ATL1: variants seen among roughly 807,000 people sequenced by gnomAD.
The protein encoded by ATL1 is atlastin-1.
A neutral mutation model predicts 75.5 loss-of-function variants in ATL1; 31 were observed. The ratio of observed to expected loss-of-function variants is 0.41; its 90% CI spans 0.31 to 0.55. ATL1 has a LOEUF of 0.55. ATL1 is among the 20% of genes least tolerant of loss of function. ATL1 has a pLI of 0.27. For missense variants in ATL1, 405 were observed against 662.6 expected, an observed-to-expected ratio of 0.61 and a Z score of 4.27; for synonymous variants, 226 against 233.3, an observed-to-expected ratio of 0.97 and a Z score of 0.28.
At chr14:50,623,378 G>A in intron 11 of ATL1, 130 bp downstream of exon 11, 1 of 676,492 alleles carries the variant, frequency 1.5e-6, no homozygotes, top group Non-Finnish European at 2.6e-6. Flanking sequence ...TCCTCAGCCT[G>A]TATCACGTCT....
intron 5 of ATL1, among the ~76,000 whole-genome samples, chr14:50,595,020 GAAAAAA>G (rs1304077072): frequency 7.3e-6 from 1 of 137,268 alleles, no homozygotes; most frequent in African/African-American, 2.7e-5. Flanking sequence ...AAACAAAAAA[GAAAAAA>G]AAAAGAAAAA....
chr14:50,606,267 C>T (rs1001826645), intron 6 of ATL1, among the ~76,000 whole-genome samples: 3 of 151,742 alleles, frequency 2.0e-5, no homozygotes, highest in African/African-American at 7.3e-5. Flanking sequence ...TCTTACATGT[C>T]CAAAGTTCAC....
At chr14:50,563,963 T>A (rs1404072125) in intron 1 of ATL1, among the ~76,000 whole-genome samples, 1 of 152,160 alleles carries the variant, frequency 6.6e-6, no homozygotes, top group Non-Finnish European at 1.5e-5. Context: ...AGGTTATAGA[T>A]CTAGTATTCA....
At chr14:50,543,901 T>C (rs2038596210) in intron 1 of ATL1, among the ~76,000 whole-genome samples, 1 of 152,228 alleles carries the variant, frequency 6.6e-6, no homozygotes, top group African/African-American at 2.4e-5. Context: ...TTTCCCCAGA[T>C]GACATGGTCA....
chr14:50,593,348 C>T (rs1288436096), intron 4 of ATL1, among the ~76,000 whole-genome samples: 1 of 151,984 alleles, frequency 6.6e-6, no homozygotes, highest in Non-Finnish European at 1.5e-5. Flanking sequence ...TTATTTCCCT[C>T]AAAAAATGTC....
chr14:50,572,893 G>T (rs2038966866), intron 1 of ATL1, among the ~76,000 whole-genome samples: 1 of 152,136 alleles, frequency 6.6e-6, no homozygotes, highest in African/African-American at 2.4e-5. Flanking sequence ...AGGTTTAATT[G>T]ACTCACAGTT....
rs369657914 is a variant in ATL1, at chr14:50,622,248, G to A, written c.1047+349G>A. Among the ~76,000 whole-genome samples the A allele has an allele frequency of 7.2e-5, 11 of 152,322 alleles. No individual in the cohort carries two copies. In the East Asian group the frequency reaches 7.7e-4, roughly 11 times the overall value. ...CTCCACAAACATTTTTTTAAAATGAGCCAGGCACGGTGGCATGTGCCTGTA... is the reference window on the plus strand; with the variant it reads ...CTCCACAAACATTTTTTTAAAATGAACCAGGCACGGTGGCATGTGCCTGTA... On this transcript the variant is annotated intron_variant, in intron 10 of 13. Coordinates refer to ENST00000358385, the MANE Select transcript of ATL1 (RefSeq NM_015915.5).
chr14:50,537,202 G>A (rs2038504593), intron 1 of ATL1, among the ~76,000 whole-genome samples: 1 of 152,222 alleles, frequency 6.6e-6, no homozygotes, highest in African/African-American at 2.4e-5. Flanking sequence ...GCTGAAAGGG[G>A]CCAACATAGA....
At chr14:50,545,258 T>A (rs970672983) in intron 1 of ATL1, among the ~76,000 whole-genome samples, 1 of 152,220 alleles carries the variant, frequency 6.6e-6, no homozygotes, top group Non-Finnish European at 1.5e-5. Flanking sequence ...ATGTAAGTCC[T>A]AATAAACTCA....
At position 50,625,401 on chromosome 14, in the gene ATL1, G is replaced by A. The variant is rs547688180; in HGVS notation, c.1119+2153G>A. 2.0e-5 allele frequency among the ~76,000 whole-genome samples: 3 copies of A among 152,310 alleles called. No homozygotes were observed. The South Asian group carries it at 6.2e-4, about 32-fold the overall frequency. On this transcript the variant is annotated intron_variant, in intron 11 of 13. Transcript: ENST00000358385. ...AGAAGCTACAGCAAGTTATCCAGAA[G>A]ATCTACCTGAGATCATTGATGAAGG...
chr14:50,612,139 T>C (rs952466896), intron 6 of ATL1, among the ~76,000 whole-genome samples: 1 of 152,142 alleles, frequency 6.6e-6, no homozygotes, highest in Non-Finnish European at 1.5e-5. Flanking sequence ...TGACAGAAGC[T>C]AGACCAAAAG....
At chr14:50,575,900 C>G (rs966607086) in intron 1 of ATL1, among the ~76,000 whole-genome samples, 2 of 152,112 alleles carry the variant, frequency 1.3e-5, no homozygotes, top group African/African-American at 2.4e-5. Flanking sequence ...GTGCCAGCTT[C>G]CAGTAACTCA....
intron 1 of ATL1, chr14:50,571,957 T>A: frequency 2.4e-6 from 1 of 421,200 alleles, no homozygotes; most frequent in Non-Finnish European, 4.5e-6. Flanking sequence ...TTTCCTTGCA[T>A]TACCACCATT....
intron 1 of ATL1, 61 bp downstream of exon 1, chr14:50,560,360 C>T (rs1054563688): frequency 2.5e-6 from 4 of 1,591,972 alleles, no homozygotes; most frequent in African/African-American, 1.3e-5. Context: ...CCACTTTCTG[C>T]TTCTGTGGAG....
At chr14:50,580,237 A>C (rs1455331804) in intron 1 of ATL1, among the ~76,000 whole-genome samples, 1 of 152,228 alleles carries the variant, frequency 6.6e-6, no homozygotes, top group Non-Finnish European at 1.5e-5. Flanking sequence ...TAAAACTGCT[A>C]TAAACATATT....
At chr14:50,566,247 C>T (rs1401765835) in intron 1 of ATL1, among the ~76,000 whole-genome samples, 2 of 55,954 alleles carry the variant, frequency 3.6e-5, no homozygotes, top group African/African-American at 2.9e-4. Context: ...ATCCACCCAC[C>T]TCAGCCCCCC....
At chr14:50,560,778 G>T (rs1259252977) in intron 1 of ATL1, among the ~76,000 whole-genome samples, 2 of 152,070 alleles carry the variant, frequency 1.3e-5, no homozygotes, top group Non-Finnish European at 2.9e-5. Context: ...GCGGGCTCCC[G>T]GCGGCGGGCG....
At chr14:50,614,243 T>G in intron 7 of ATL1, 130 bp from the exon 8 acceptor site, 2 of 1,014,596 alleles carry the variant, frequency 2.0e-6, no homozygotes, top group Non-Finnish European at 3.0e-6. Flanking sequence ...CTTCTTTCTT[T>G]AGTAGCAGCC....
At chr14:50,542,329 A>G (rs951565703) in intron 1 of ATL1, among the ~76,000 whole-genome samples, 1 of 152,030 alleles carries the variant, frequency 6.6e-6, no homozygotes, top group Non-Finnish European at 1.5e-5. Context: ...GCACTAGGAC[A>G]AATACCTAAT....
Sources: gnomAD v4.1 joint callset for allele counts (sites outside exome capture counted in the v4.1 genomes callset) on GRCh38, gnomAD v4.1.1 for gene constraint, MANE v1.5 for transcripts, NCBI Gene and HGNC (gene_info 2026-07-23, HGNC 2026-07-21) for gene names.